Variants in IDH3B observed in about 807,000 individuals in gnomAD.
The protein encoded by IDH3B is isocitrate dehydrogenase [NAD] subunit beta, mitochondrial.
A neutral mutation model predicts 47.5 loss-of-function variants in IDH3B; 40 were observed. That is an observed-to-expected ratio of 0.84 (90% CI 0.65 to 1.10). IDH3B has a LOEUF of 1.10. IDH3B is among the 50% of genes least tolerant of loss of function. The probability of loss-of-function intolerance (pLI) is 0.00; values close to 1 mark genes in which losing one functional copy is unlikely to be tolerated. For synonymous variants in IDH3B, 185 were observed against 191.0 expected (o/e 0.97, Z 0.26); for missense variants, 450 against 505.2 (o/e 0.89, Z 1.05).
At chr20:2,663,361 T>C in intron 4 of IDH3B, 85 bp downstream of exon 4, 3 of 1,492,524 alleles carry the variant, frequency 2.0e-6, no homozygotes, top group South Asian at 1.1e-5. Context: ...TATAATTGCA[T>C]AGCATGTGGG....
In IDH3B at chr20:2,659,293, G is replaced by A. The variant is rs893774369; in HGVS notation, c.1071+232C>T. 2.7e-6 allele frequency: 4 copies of A among 1,479,108 alleles called. No homozygotes were observed. In the East Asian group the frequency reaches 7.3e-5, roughly 27 times the overall value. The allele number at this position is 1,479,108 out of a possible 1,614,324, so 91.6% of individuals were successfully genotyped here. A position where few individuals can be genotyped will look rare whatever the true frequency, so the allele number is the denominator to read the frequency against. ...AAAGGGCAGTGGATGGAGCAGGAAA[G>A]AGGGAACAGCAGATGGGATCTAAGA... On this transcript the variant is annotated intron_variant, in intron 11 of 11. Coordinates refer to ENST00000380843, the MANE Select transcript of IDH3B (RefSeq NM_006899.5).
In IDH3B at chr20:2,658,586, C is replaced by T. The variant is rs926785142; in HGVS notation, c.*165G>A. 4 of 1,612,168 alleles carry T rather than the reference C, an allele frequency of 2.5e-6. No homozygotes were observed. The highest frequency in any genetic ancestry group is 2.7e-5 in the African/African-American group (2 of 74,886). On this transcript the variant is annotated 3_prime_UTR_variant, in exon 12 of 12. Coordinates refer to ENST00000380843, the MANE Select transcript of IDH3B (RefSeq NM_006899.5). ...TCCATCCTAACAATCCCCATCACCA[C>T]CCAACAGTCTGTCCCCTAAGGAAGC...
At chr20:2,661,050 G>A in intron 4 of IDH3B, 81 bp from the exon 5 acceptor site, 3 of 1,187,810 alleles carry the variant, frequency 2.5e-6, no homozygotes, top group Middle Eastern at 2.4e-4. Flanking sequence ...ACCCCCTTAG[G>A]AACATCATGT....
intron 9 of IDH3B, 107 bp from the exon 10 acceptor site, chr20:2,659,900 T>C (rs1425388873): frequency 5.5e-6 from 8 of 1,461,514 alleles, no homozygotes; most frequent in Middle Eastern, 2.0e-4. Flanking sequence ...CCAGGGTCAC[T>C]GAAAAGAGGC....
chr20:2,663,032 C>CA (rs1374796592), intron 4 of IDH3B, among the ~76,000 whole-genome samples: 7 of 151,440 alleles, frequency 4.6e-5, no homozygotes, highest in Admixed American at 1.3e-4. Flanking sequence ...GAGGCTGAGG[C>CA]AGGAGAATTG....
At position 2,658,766 on chromosome 20, in the gene IDH3B, C is replaced by T. The variant is rs146881502; in HGVS notation, c.1143G>A (p.Gln381=). Reference sequence around the variant, plus strand: ...ATAAAGGGCTCTAGCTCCCTTTAGTCTGCAGGTGACCGATGACAGACTTGA... The same window carrying T: ...ATAAAGGGCTCTAGCTCCCTTTAGTTTGCAGGTGACCGATGACAGACTTGA... ...DFIKSVIGHL[Q]TKGS The change falls in exon 12 of 12, where the codon CAG becomes CAA. Residue 381 remains glutamine (Q), a synonymous_variant. Coordinates refer to ENST00000380843, the MANE Select transcript of IDH3B (RefSeq NM_006899.5). 6.6e-5 allele frequency: 107 copies of T among 1,614,082 alleles called. No individual in the cohort carries two copies. In the Admixed American group the frequency reaches 1.6e-3, roughly 25 times the overall value.
In IDH3B at chr20:2,660,578, C is replaced by T. The variant is rs1368091171; in HGVS notation, c.544G>A (p.Val182Met). 1 of 1,614,156 alleles carries T rather than the reference C, an allele frequency of 6.2e-7. No homozygotes were observed. Among genetic ancestry groups the T allele is most frequent in the Non-Finnish European group, 8.5e-7 (1 of 1,180,038 alleles). The change falls in exon 7 of 12, where the codon GTG becomes ATG. Residue 182 changes from valine (V) to methionine (M), a missense_variant. Coordinates refer to ENST00000380843, the MANE Select transcript of IDH3B (RefSeq NM_006899.5). This position sits in a 1 kb window ranked among gnomAD's most constrained non-coding sequence, Gnocchi z 5.6. ...GTGACAATCTTCAAACACTCAATCA[C>T]ACCCCTTGCACTCTGGGTAAGAAGA... Reference protein sequence around the residue: ...SSLEHESARGVIECLKIVTRA... With the variant: ...SSLEHESARGMIECLKIVTRA...
rs2086991052 is a variant in IDH3B, at chr20:2,663,703, C to A, written c.173G>T (p.Gly58Val). ...SFPVTMLPGD[G>V]VGPELMHAVK... ...GGCGTGCATCAGCTCAGGCCCCACA[C>A]CGTCTCCCGGAAGCATGGTCACGGG... The change falls in exon 3 of 12, where the codon GGT becomes GTT. Residue 58 changes from glycine (G) to valine (V), a missense_variant. Physicochemically the swap from Gly to Val is moderately radical, Grantham distance 109. Coordinates refer to ENST00000380843, the MANE Select transcript of IDH3B (RefSeq NM_006899.5). 1.2e-6 allele frequency: 2 copies of A among 1,614,236 alleles called. No homozygotes were observed. The highest frequency in any genetic ancestry group is 8.5e-7 in the Non-Finnish European group (1 of 1,180,056).
Position 2,660,447 on chromosome 20 carries a change from T to A in IDH3B, c.665+10A>T, listed in dbSNP as rs1352224969. On this transcript the variant is annotated intron_variant, in intron 7 of 11. Transcript: ENST00000380843. The surrounding 1 kb of genome is among the most constrained non-coding windows in gnomAD (Gnocchi z 5.6). ...CAGGAACCCATCCTACACAAAGCCA[T>A]GCCCCTCACATGATGTTGGCCTTGT... 1 of 1,613,926 alleles carries A rather than the reference T, an allele frequency of 6.2e-7. No homozygotes were observed. Among genetic ancestry groups the A allele is most frequent in the African/African-American group, 1.3e-5 (1 of 74,956 alleles).
At position 2,658,548 on chromosome 20, in the gene IDH3B, A is replaced by T; in HGVS notation, c.*203T>A. On this transcript the variant is annotated 3_prime_UTR_variant, in exon 12 of 12. Coordinates refer to ENST00000380843, the MANE Select transcript of IDH3B (RefSeq NM_006899.5). Reference sequence around the variant, plus strand: ...CTGTGGGGGAGAATCATCATCATCCATGTGGCCTGGGCTCCATCCTAACAA... The same window carrying T: ...CTGTGGGGGAGAATCATCATCATCCTTGTGGCCTGGGCTCCATCCTAACAA... 1.2e-6 allele frequency: 2 copies of T among 1,613,556 alleles called. No individual in the cohort carries two copies. The highest frequency in any genetic ancestry group is 1.7e-6 in the Non-Finnish European group (2 of 1,179,778).
chr20:2,659,797 T>C lies in IDH3B; in HGVS notation c.916-4A>G, dbSNP rs923915426. 6 of 1,609,098 alleles carry C rather than the reference T, an allele frequency of 3.7e-6. No homozygotes were observed. The African/African-American group carries it at 6.7e-5, about 18-fold the overall frequency. On this transcript the variant is annotated splice_polypyrimidine_tract_variant and splice_region_variant and intron_variant, in intron 9 of 11. Coordinates refer to ENST00000380843, the MANE Select transcript of IDH3B (RefSeq NM_006899.5). ...GGGCAAATGGGTGCCGGGCACCCTG[T>C]GGAGAGAGGGGCAGGCTAGACACTG...
intron 9 of IDH3B, 43 bp from the exon 10 acceptor site, chr20:2,659,836 G>C (rs2086907019): frequency 6.6e-7 from 1 of 1,512,798 alleles, no homozygotes; most frequent in Non-Finnish European, 9.2e-7. Context: ...GGAGGCAGGA[G>C]GGGTATGCAG....
intron 11 of IDH3B, chr20:2,659,289 G>A (rs878876775): frequency 1.4e-6 from 2 of 1,474,602 alleles, no homozygotes; most frequent in South Asian, 1.4e-5. Context: ...GATGGAGCAG[G>A]AAAGAGGGAA....
Position 2,660,237 on chromosome 20 carries a change from T to C in IDH3B, c.768+26A>G. 2 of 1,612,602 alleles carry C rather than the reference T, an allele frequency of 1.2e-6. No homozygotes were observed. Among genetic ancestry groups the C allele is most frequent in the African/African-American group, 1.3e-5 (1 of 74,982 alleles). On this transcript the variant is annotated intron_variant, in intron 8 of 11. Coordinates refer to ENST00000380843, the MANE Select transcript of IDH3B (RefSeq NM_006899.5). This position sits in a 1 kb window ranked among gnomAD's most constrained non-coding sequence, Gnocchi z 5.6. ...CTCCCCACCCTCCTCCTCCGCCCCA[T>C]GAGTAGAGATGTGGGGAGGCCTCAC...
chr20:2,659,579 C>T lies in IDH3B; in HGVS notation c.1017G>A (p.Glu339=). The change falls in exon 11 of 12, where the codon GAG becomes GAA. Residue 339 remains glutamate, a synonymous_variant. Coordinates refer to ENST00000380843, the MANE Select transcript of IDH3B (RefSeq NM_006899.5). ...ASNMLRHLNL[E]YHSSMIADAV... Reference sequence around the variant, plus strand: ...CATCTGCGATCATGCTGGAGTGATACTCAAGACTGTGGATATGGACAGGAA... The same window carrying T: ...CATCTGCGATCATGCTGGAGTGATATTCAAGACTGTGGATATGGACAGGAA... 1 of 1,614,226 alleles carries T rather than the reference C, an allele frequency of 6.2e-7. No individual in the cohort carries two copies. The highest frequency in any genetic ancestry group is 8.5e-7 in the Non-Finnish European group (1 of 1,180,028).
chr20:2,660,702 G>C lies in IDH3B; in HGVS notation c.526C>G (p.His176Asp). 6.2e-7 allele frequency: 1 copy of C among 1,614,154 alleles called. No individual in the cohort carries two copies. Among genetic ancestry groups the C allele is most frequent in the Admixed American group, 1.7e-5 (1 of 60,022 alleles). The change falls in exon 6 of 12, where the codon CAT (histidine) becomes GAT (aspartate). Residue 176 changes from histidine (H) to aspartate (D), a missense_variant. Physicochemically the swap from His to Asp is moderately conservative, Grantham distance 81. Transcript: ENST00000380843. This position sits in a 1 kb window ranked among gnomAD's most constrained non-coding sequence, Gnocchi z 5.6. ...QTEGEYSSLE[H>D]ESARGVIECL... ...CCCAGTTTCTGGGGCCTCACCTCATGTTCCAGAGAGCTGTACTCCCCTTCT... is the reference window on the plus strand; with the variant it reads ...CCCAGTTTCTGGGGCCTCACCTCATCTTCCAGAGAGCTGTACTCCCCTTCT...
intron 1 of IDH3B, 63 bp from the exon 2 acceptor site, chr20:2,664,068 A>C (rs1007119860): frequency 1.6e-5 from 25 of 1,610,308 alleles, no homozygotes; most frequent in Non-Finnish European, 2.1e-5. Context: ...CGAACACTAC[A>C]GTTGACTTTG....
At chr20:2,662,266 G>T (rs2086961979) in intron 4 of IDH3B, among the ~76,000 whole-genome samples, 1 of 152,198 alleles carries the variant, frequency 6.6e-6, no homozygotes, top group Non-Finnish European at 1.5e-5. Context: ...AGAACGTTCT[G>T]GGTGGAGGGA....
intron 1 of IDH3B, 54 bp downstream of exon 1, chr20:2,664,099 G>A: frequency 1.2e-6 from 2 of 1,608,114 alleles, no homozygotes; most frequent in East Asian, 2.2e-5. Flanking sequence ...GAAACCCTAG[G>A]ACAAACTCTC....
Sources: gnomAD v4.1 joint callset for allele counts (sites outside exome capture counted in the v4.1 genomes callset) on GRCh38, gnomAD v4.1.1 for gene constraint, Gnocchi (gnomAD v3.1) non-coding constraint, MANE v1.5 for transcripts, NCBI Gene and HGNC (gene_info 2026-07-23, HGNC 2026-07-21) for gene names.